The following APBB2 variants were observed in gnomAD, a reference collection of about 807,000 sequenced individuals.
APBB2 encodes amyloid beta precursor protein binding family B member 2.
A neutral mutation model predicts 82.5 loss-of-function variants in APBB2; 38 were observed. The observed-to-expected ratio is 0.46, with a 90% confidence interval of 0.36 to 0.60. The LOEUF (loss-of-function observed/expected upper bound fraction) is 0.60. Among genes scored for constraint, APBB2 ranks in the 20% least tolerant of loss-of-function variants. APBB2 has a pLI of 0.00. For missense variants in APBB2, 772 were observed against 972.3 expected (o/e 0.79, Z 2.74); for synonymous variants, 341 against 368.2 (o/e 0.93, Z 0.85).
At chr4:40,835,794 G>A (rs1447060551) in intron 12 of APBB2, among the ~76,000 whole-genome samples, 1 of 152,214 alleles carries the variant, frequency 6.6e-6, no homozygotes, top group Admixed American at 6.5e-5. Context: ...AGGGGGATGA[G>A]CAAAGTGCAG....
At chr4:40,870,732 CTCT>C (rs1427620067) in intron 12 of APBB2, among the ~76,000 whole-genome samples, 6 of 144,254 alleles carry the variant, frequency 4.2e-5, no homozygotes, top group Admixed American at 2.8e-4. Context: ...TGTATACACA[CTCT>C]TTTTTTTTTT....
intron 12 of APBB2, among the ~76,000 whole-genome samples, chr4:40,852,059 A>G (rs1444681858): frequency 6.6e-6 from 1 of 152,110 alleles, no homozygotes; most frequent in Non-Finnish European, 1.5e-5. Context: ...ATGTGAAGTA[A>G]CTTCAAATGT....
At chr4:40,904,013 A>G (rs990435105) in intron 10 of APBB2, among the ~76,000 whole-genome samples, 2 of 152,138 alleles carry the variant, frequency 1.3e-5, no homozygotes, top group East Asian at 1.9e-4. Context: ...ATGTTTTGTG[A>G]TATTTCCCTA....
intron 2 of APBB2, among the ~76,000 whole-genome samples, chr4:41,101,235 C>T (rs918888492): frequency 6.6e-6 from 1 of 151,560 alleles, no homozygotes; most frequent in Non-Finnish European, 1.5e-5. Context: ...GAGGCCGAGG[C>T]GGGTGGATCA....
At chr4:41,078,808 G>A (rs2153926441) in intron 3 of APBB2, among the ~76,000 whole-genome samples, 1 of 152,294 alleles carries the variant, frequency 6.6e-6, no homozygotes, top group African/African-American at 2.4e-5. Context: ...GAAGGACTGG[G>A]AAATGGCCGG....
At chr4:41,137,520 T>C (rs1271834323) in intron 2 of APBB2, among the ~76,000 whole-genome samples, 3 of 152,166 alleles carry the variant, frequency 2.0e-5, no homozygotes, top group Non-Finnish European at 2.9e-5. Flanking sequence ...CAGTGACTCA[T>C]AAAGAACAGA....
chr4:41,128,325 A>G (rs2154002524), intron 2 of APBB2, among the ~76,000 whole-genome samples: 1 of 152,326 alleles, frequency 6.6e-6, no homozygotes, highest in East Asian at 1.9e-4. Context: ...ATGGGAATGT[A>G]AATTAGTTCA....
At chr4:41,080,696 TC>T (rs1430753775) in intron 3 of APBB2, among the ~76,000 whole-genome samples, 8 of 122,014 alleles carry the variant, frequency 6.6e-5, no homozygotes, top group East Asian at 5.4e-4. Flanking sequence ...ATGTAAATGC[TC>T]CTTTTTTTTT....
chr4:41,066,153 T>C (rs1731734240), intron 3 of APBB2, among the ~76,000 whole-genome samples: 2 of 113,556 alleles, frequency 1.8e-5, no homozygotes, highest in African/African-American at 6.1e-5. Flanking sequence ...AAAAAAACTT[T>C]TCAGTGACAT....
chr4:40,836,045 G>C (rs1753819584), intron 12 of APBB2, among the ~76,000 whole-genome samples: 1 of 152,186 alleles, frequency 6.6e-6, no homozygotes, highest in Non-Finnish European at 1.5e-5. Context: ...GGGTGCTTGT[G>C]CTTGAGGAGC....
intron 6 of APBB2, among the ~76,000 whole-genome samples, chr4:41,002,825 C>G (rs1805603457): frequency 6.6e-6 from 1 of 152,212 alleles, no homozygotes; most frequent in South Asian, 2.1e-4. Flanking sequence ...ATCTCTGATG[C>G]TTTATGGCAT....
chr4:40,861,372 T>A (rs1006115633), intron 12 of APBB2, among the ~76,000 whole-genome samples: 8 of 151,424 alleles, frequency 5.3e-5, no homozygotes, highest in Non-Finnish European at 1.2e-4. Flanking sequence ...TTTTTTTTTT[T>A]AAACATTAGC....
chr4:40,856,808 C>T (rs1183466501), intron 12 of APBB2, among the ~76,000 whole-genome samples: 1 of 152,252 alleles, frequency 6.6e-6, no homozygotes, highest in Non-Finnish European at 1.5e-5. Flanking sequence ...CTCCTTCTTC[C>T]CACCGGCGGG....
chr4:40,877,600 T>G (rs563242709), intron 12 of APBB2, among the ~76,000 whole-genome samples: 23 of 152,314 alleles, frequency 1.5e-4, no homozygotes, highest in African/African-American at 4.6e-4. Context: ...AATGCCTTAA[T>G]CGGTGCTATA....
intron 3 of APBB2, among the ~76,000 whole-genome samples, chr4:41,087,600 T>TC (rs1469263155): frequency 1.3e-5 from 2 of 152,068 alleles, no homozygotes; most frequent in African/African-American, 4.8e-5. Flanking sequence ...GGCTAATTTT[T>TC]TTTTTTTTTA....
intron 10 of APBB2, among the ~76,000 whole-genome samples, chr4:40,907,115 CAT>C (rs1421041296): frequency 3.9e-5 from 6 of 152,054 alleles, no homozygotes; most frequent in East Asian, 1.9e-4. Context: ...CATATCAACA[CAT>C]GAGGCAGATA....
rs571355739 is a variant in APBB2 at position 41,128,020 on chromosome 4, C to G, written c.-261+14967G>C. On this transcript the variant is annotated intron_variant, in intron 2 of 17. Transcript: ENST00000508593. ...GCTTGAACCCAGGAGGCGGAGATTGCAGTATGCCAAGATTGCACCACTGCA... is the reference window on the plus strand; with the variant it reads ...GCTTGAACCCAGGAGGCGGAGATTGGAGTATGCCAAGATTGCACCACTGCA... Among the ~76,000 whole-genome samples the G allele has an allele frequency of 3.7e-4, 56 of 152,030 alleles. 2 individuals are homozygous for G. In the South Asian group the frequency reaches 0.011, roughly 29 times the overall value.
intron 6 of APBB2, among the ~76,000 whole-genome samples, chr4:41,005,235 C>T (rs899232509): frequency 5.9e-5 from 9 of 152,106 alleles, no homozygotes; most frequent in Admixed American, 5.9e-4. Flanking sequence ...GGACTACAGG[C>T]ACGTGCCACC....
intron 4 of APBB2, among the ~76,000 whole-genome samples, chr4:41,046,089 A>T (rs1723341758): frequency 6.6e-6 from 1 of 152,218 alleles, no homozygotes; most frequent in Non-Finnish European, 1.5e-5. Flanking sequence ...AACAATAAAG[A>T]AGTGCCCTCT....
Sources: allele counts gnomAD v4.1 joint callset (sites outside exome capture counted in the v4.1 genomes callset), GRCh38; gene constraint gnomAD v4.1.1; transcripts MANE v1.5; gene names NCBI Gene and HGNC (gene_info 2026-07-23, HGNC 2026-07-21).